The following FMNL3 variants were observed in gnomAD, a reference collection of about 807,000 sequenced individuals.
FMNL3 encodes formin-like protein 3.
In FMNL3, 57 loss-of-function variants were observed where a neutral mutation model predicts 119.6. The observed-to-expected ratio is 0.48, with a 90% CI of 0.39 to 0.59. The LOEUF is 0.59. FMNL3 is among the 20% of genes least tolerant of loss of function. The pLI, the probability that FMNL3 is intolerant of heterozygous loss-of-function variation, is 0.00. For missense variants in FMNL3, 1,053 were observed against 1,323.5 expected (o/e 0.80, Z 3.17); for synonymous variants, 491 against 507.3 (o/e 0.97, Z 0.43).
At chr12:49,704,428 T>C (rs1441213801) in intron 1 of FMNL3, among the ~76,000 whole-genome samples, 6 of 152,180 alleles carry the variant, frequency 3.9e-5, no homozygotes, top group Non-Finnish European at 7.3e-5. Context: ...TAAGCTAATC[T>C]GGCCAGGCAC....
At position 49,651,249 on chromosome 12, in the gene FMNL3, A is replaced by C; in HGVS notation, c.1716T>G (p.Pro572=). The C allele has an allele frequency of 6.2e-7, 1 of 1,613,286 alleles. No homozygotes were observed. Among genetic ancestry groups the C allele is most frequent in the South Asian group, 1.1e-5 (1 of 91,068 alleles). Residue 572 remains proline, a synonymous_variant, in exon 16 of 26, where the codon CCT becomes CCG. Transcript: ENST00000335154. ...KKPIKTKFRL[P]VFNWTALKPN... The stretch of plus-strand genomic sequence containing the variant: ...GTTTCAGTGCTGTCCAGTTGAAGAC[A>C]GGCAGCCGGAACTTGGTCTTGATAG...
At chr12:49,652,982 T>C (rs1421888226) in intron 13 of FMNL3, among the ~76,000 whole-genome samples, 1 of 152,070 alleles carries the variant, frequency 6.6e-6, no homozygotes, top group Non-Finnish European at 1.5e-5. Flanking sequence ...AACTCCAGAA[T>C]GCTTGTGGGT....
At chr12:49,659,603 G>A (rs1311269224) in intron 5 of FMNL3, among the ~76,000 whole-genome samples, 1 of 152,036 alleles carries the variant, frequency 6.6e-6, no homozygotes, top group African/African-American at 2.4e-5. Flanking sequence ...TTGTAGAGAT[G>A]GAGTCTTGCT....
chr12:49,649,427 G>C lies in FMNL3; in HGVS notation c.2304+43C>G. 6.2e-7 allele frequency: 1 copy of C among 1,613,560 alleles called. No homozygotes were observed. Among genetic ancestry groups the C allele is most frequent in the South Asian group, 1.1e-5 (1 of 91,060 alleles). On this transcript the variant is annotated intron_variant, in intron 19 of 25. Transcript: ENST00000335154. The surrounding 1 kb of genome is among the most constrained non-coding windows in gnomAD (Gnocchi z 5.6). Reference sequence around the variant, plus strand: ...TGTATAGCCCCAGGCCCCCACCTAGGACCTGAAAACCCCCAGCACCCCTGT... The same window carrying C: ...TGTATAGCCCCAGGCCCCCACCTAGCACCTGAAAACCCCCAGCACCCCTGT...
Position 49,658,449 on chromosome 12 carries a change from C to A in FMNL3, c.598G>T (p.Val200Leu). 1 of 1,602,974 alleles carries A rather than the reference C, an allele frequency of 6.2e-7. No homozygotes were observed. Among genetic ancestry groups the A allele is most frequent in the Non-Finnish European group, 8.5e-7 (1 of 1,173,428 alleles). ...GAGCAAAAGCACACATACCGGAGCACAGACTGGCGCGCAGAGCGAGCGAGG... is the reference window on the plus strand; with the variant it reads ...GAGCAAAAGCACACATACCGGAGCAAAGACTGGCGCGCAGAGCGAGCGAGG... The part of the protein sequence containing the change: ...NSLARSARQS[V>L]LRYSTLPGRR... The change falls in exon 6 of 26, where the codon GTG (valine) becomes TTG (leucine). Residue 200 changes from valine to leucine, a missense_variant. By Grantham distance (32) the Val-to-Leu change is conservative. Around this residue, in one of 4 missense-constraint regions of FMNL3, gnomAD observed 264 missense variants for 265.5 expected, o/e 0.99. Coordinates refer to ENST00000335154, the MANE Select transcript of FMNL3 (RefSeq NM_175736.5).
In FMNL3 at chr12:49,648,294, G is replaced by C. The variant is rs371810582; in HGVS notation, c.2575C>G (p.Arg859Gly). ...TTGTCATGGATGCTGCACTCACGCC[G>C]AATCAGCTCCATGCCCCGGCCCAGC... The part of the protein sequence containing the change: ...KELGRGMELI[R>G]RECSIHDNSV... Residue 859 changes from arginine to glycine, a missense_variant, in exon 22 of 26, where the codon CGG becomes GGG. This residue lies in a region of FMNL3 where 324 missense variants were observed against 380.9 expected (regional missense o/e 0.85). Transcript: ENST00000335154. 3 of 1,613,498 alleles carry C rather than the reference G, an allele frequency of 1.9e-6. No individual in the cohort carries two copies. The highest frequency in any genetic ancestry group is 1.7e-6 in the Non-Finnish European group (2 of 1,179,828).
chr12:49,647,210 T>A lies in FMNL3; in HGVS notation c.2871+66A>T, dbSNP rs978985830. ...TCCAAGTTTTCATCTCCTCTAGCCT[T>A]CTGACCCCCAGCCCCCACTCTTTTG... On this transcript the variant is annotated intron_variant, in intron 24 of 25. Coordinates refer to ENST00000335154, the MANE Select transcript of FMNL3 (RefSeq NM_175736.5). The surrounding 1 kb of genome is among the most constrained non-coding windows in gnomAD (Gnocchi z 4.9). 7 of 1,596,244 alleles carry A rather than the reference T, an allele frequency of 4.4e-6. No homozygotes were observed. The African/African-American group carries it at 9.4e-5, about 21-fold the overall frequency.
rs1943061331 is a variant in FMNL3, at chr12:49,644,376, C to T, written c.*1439G>A. On this transcript the variant is annotated 3_prime_UTR_variant, in exon 26 of 26. Transcript: ENST00000335154. ...TCTTGGTGTTCAAGGGTCCCCTACTCCCTGGACTAGTGCAGTCCTTGCCCT... is the reference window on the plus strand; with the variant it reads ...TCTTGGTGTTCAAGGGTCCCCTACTTCCTGGACTAGTGCAGTCCTTGCCCT... 1.5e-6 allele frequency: 1 copy of T among 671,458 alleles called. No homozygotes were observed. The highest frequency in any genetic ancestry group is 1.8e-5 in the African/African-American group (1 of 56,138). 41.6% of individuals were successfully genotyped at this position (671,458 alleles called of 1,614,324 possible).
In FMNL3 at chr12:49,647,422, G is replaced by A; in HGVS notation, c.2779-54C>T. ...GAGTGAGGCTCATAGGCTGTGAGGGGAGGGGCTGACACTGAGGTGGAGAGT... is the reference window on the plus strand; with the variant it reads ...GAGTGAGGCTCATAGGCTGTGAGGGAAGGGGCTGACACTGAGGTGGAGAGT... On this transcript the variant is annotated intron_variant, in intron 23 of 25. Transcript: ENST00000335154. This position sits in a 1 kb window ranked among gnomAD's most constrained non-coding sequence, Gnocchi z 4.9. The A allele has an allele frequency of 6.3e-7, 1 of 1,577,056 alleles. No individual in the cohort carries two copies. The highest frequency in any genetic ancestry group is 8.7e-7 in the Non-Finnish European group (1 of 1,155,132).
In FMNL3 at chr12:49,683,783, C is replaced by T. The variant is rs73112193; in HGVS notation, c.127-15229G>A. On this transcript the variant is annotated intron_variant, in intron 1 of 25. Transcript: ENST00000335154. ...TTCAAAGCCCTCCTTACCACTTGAGCCCTGCCTCCCACGAGTCTCTGCCTT... is the reference window on the plus strand; with the variant it reads ...TTCAAAGCCCTCCTTACCACTTGAGTCCTGCCTCCCACGAGTCTCTGCCTT... 5.2e-3 allele frequency among the ~76,000 whole-genome samples: 796 copies of T among 152,282 alleles called. 13 individuals carry two copies. Among genetic ancestry groups the T allele is most frequent in the South Asian group, 3.9e-3 (19 of 4,826 alleles).
At position 49,648,365 on chromosome 12, in the gene FMNL3, A is replaced by G; in HGVS notation, c.2516-12T>C. The G allele has an allele frequency of 6.2e-7, 1 of 1,606,498 alleles. No individual in the cohort carries two copies. Among genetic ancestry groups the G allele is most frequent in the South Asian group, 1.1e-5 (1 of 90,324 alleles). ...GTTCTCCAGGGACACTGGTCACCAA[A>G]AGCCTGGCTGAGGAATGCCTAGGGC... On this transcript the variant is annotated splice_polypyrimidine_tract_variant and intron_variant, in intron 21 of 25. Coordinates refer to ENST00000335154, the MANE Select transcript of FMNL3 (RefSeq NM_175736.5).
At chr12:49,694,768 C>T (rs950303744) in intron 1 of FMNL3, among the ~76,000 whole-genome samples, 1 of 151,978 alleles carries the variant, frequency 6.6e-6, no homozygotes, top group African/African-American at 2.4e-5. Context: ...AAAAATTAGC[C>T]GGGTATAGTG....
chr12:49,656,984 C>G, intron 7 of FMNL3, 85 bp from the exon 8 acceptor site: 1 of 1,537,734 alleles, frequency 6.5e-7, no homozygotes. Flanking sequence ...GGCCCACCAG[C>G]AAACCTGTCT....
Position 49,652,357 on chromosome 12 carries a change from G to C in FMNL3, c.1324-145C>G. On this transcript the variant is annotated intron_variant, in intron 13 of 25. Transcript: ENST00000335154. ...CTCAGAGTGGCAGAAACCCAGGTGG[G>C]GGAATGAGGAAGCTGGAAGGCAGCA... 3 of 1,410,768 alleles carry C rather than the reference G, an allele frequency of 2.1e-6. 1 individual carries two copies. In the South Asian group the frequency reaches 4.6e-5, roughly 21 times the overall value. 87.4% of individuals were successfully genotyped at this position (1,410,768 alleles called of 1,614,324 possible). A position where few individuals can be genotyped will look rare whatever the true frequency, so the allele number is the denominator to read the frequency against.
At chr12:49,650,039 G>A (rs753542508) in intron 17 of FMNL3, 114 bp from the exon 18 acceptor site, 2 of 882,758 alleles carry the variant, frequency 2.3e-6, no homozygotes, top group Non-Finnish European at 3.5e-6. Flanking sequence ...ACGGAACACA[G>A]CCAAAGGCAA....
chr12:49,656,769 A>G (rs1943582498), intron 8 of FMNL3, 54 bp downstream of exon 8: 1 of 1,501,022 alleles, frequency 6.7e-7, no homozygotes, highest in Non-Finnish European at 9.3e-7. Context: ...CATGGAGTAC[A>G]GATCTCCAGA....
In FMNL3 at chr12:49,656,458, A is replaced by C. The variant is rs1398922222; in HGVS notation, c.831T>G (p.Cys277Trp). 1.2e-6 allele frequency: 2 copies of C among 1,613,984 alleles called. No individual in the cohort carries two copies. The highest frequency in any genetic ancestry group is 3.3e-5 in the Admixed American group (2 of 59,982). Residue 277 changes from cysteine (C) to tryptophan (W), a missense_variant, in exon 9 of 26, where the codon TGT becomes TGG. By Grantham distance (215) the Cys-to-Trp change is radical. This residue lies in a region of FMNL3 where 445 missense variants were observed against 628.4 expected (regional missense o/e 0.71). Coordinates refer to ENST00000335154, the MANE Select transcript of FMNL3 (RefSeq NM_175736.5). ...ALVLELLAAV[C>W]LVRGGHEIIL... ...TGATTTCGTGACCTCCTCGCACCAA[A>C]CACACAGCTGCCAGAAGCTCTAAGA...
Position 49,651,952 on chromosome 12 carries a change from A to T in FMNL3, c.1584T>A (p.Pro528=), listed in dbSNP as rs368672547. 1 of 1,592,550 alleles carries T rather than the reference A, an allele frequency of 6.3e-7. No homozygotes were observed. The highest frequency in any genetic ancestry group is 8.6e-7 in the Non-Finnish European group (1 of 1,167,240). Residue 528 remains proline, a synonymous_variant, in exon 14 of 26, where the codon CCT becomes CCA. Transcript: ENST00000335154. ...GGTTACCTGGTAATGGGGGAGGTGG[A>T]GGGGGCAAGGGCGGAGCTGGTGGTG... The part of the protein sequence containing the change: ...LPPPPAPPLP[P]PPPPLPDKCP...
chr12:49,649,646 T>C lies in FMNL3; in HGVS notation c.2235+45A>G. On this transcript the variant is annotated intron_variant, in intron 18 of 25. Coordinates refer to ENST00000335154, the MANE Select transcript of FMNL3 (RefSeq NM_175736.5). This position sits in a 1 kb window ranked among gnomAD's most constrained non-coding sequence, Gnocchi z 5.6. The stretch of plus-strand genomic sequence containing the variant: ...GGGGAGGTGACTAGCAGATGGAGGG[T>C]GGAGGGACAGCTGTCCAGAGCCATG... The C allele has an allele frequency of 6.2e-7, 1 of 1,610,496 alleles. No homozygotes were observed.
Sources: allele counts gnomAD v4.1 joint callset (sites outside exome capture counted in the v4.1 genomes callset), GRCh38; gene constraint gnomAD v4.1.1; regional missense constraint gnomAD v4.1.1; non-coding constraint Gnocchi (gnomAD v3.1); transcripts MANE v1.5; gene names NCBI Gene and HGNC (gene_info 2026-07-23, HGNC 2026-07-21).